SLC39A10: variants seen among roughly 807,000 people sequenced by gnomAD.
SLC39A10 encodes zinc transporter ZIP10.
SLC39A10 carries 13 observed loss-of-function variants against 65.1 expected under a neutral mutation model. That is an observed-to-expected ratio of 0.20 (90% CI 0.13 to 0.32). The LOEUF is 0.32. Among genes scored for constraint, SLC39A10 ranks in the 10% least tolerant of loss-of-function variants. The probability of loss-of-function intolerance (pLI) is 1.00; values close to 1 mark genes in which losing one functional copy is unlikely to be tolerated. For missense variants in SLC39A10, 831 were observed against 1,018.4 expected (o/e 0.82, Z 2.50); for synonymous variants, 321 against 342.2 (o/e 0.94, Z 0.68).
At chr2:195,647,345 A>G (rs949075385) in intron 2 of SLC39A10, among the ~76,000 whole-genome samples, 1 of 151,810 alleles carries the variant, frequency 6.6e-6, no homozygotes, top group Non-Finnish European at 1.5e-5. Context: ...CCCTCAGGGT[A>G]GCATTCAGAC....
rs1248818674 is a variant in SLC39A10 at position 195,737,049 on chromosome 2, T to C, written c.*2008T>C. The C allele has an allele frequency of 6.6e-6, 1 of 152,664 alleles. No individual in the cohort carries two copies. The highest frequency in any genetic ancestry group is 2.4e-5 in the African/African-American group (1 of 41,466). The allele number at this position is 152,664 out of a possible 1,614,324, so 9.5% of individuals were successfully genotyped here. ...AGTTTTAAAATAAATGCCTGATTGA[T>C]TTAAAGCAAGTAGGTTATGCTGAAG... is the stretch of plus-strand genomic sequence containing the variant. On this transcript the variant is annotated 3_prime_UTR_variant, in exon 10 of 10. Coordinates refer to ENST00000359634, the MANE Select transcript of SLC39A10 (RefSeq NM_020342.3).
intron 1 of SLC39A10, among the ~76,000 whole-genome samples, chr2:195,670,788 A>T (rs1689827048): frequency 6.6e-6 from 1 of 152,202 alleles, no homozygotes; most frequent in East Asian, 1.9e-4. Flanking sequence ...TGAATCTTAA[A>T]TTATTTCAAA....
intron 1 of SLC39A10, chr2:195,658,482 T>G (rs1689254854): frequency 6.6e-6 from 1 of 152,242 alleles, no homozygotes; most frequent in South Asian, 2.1e-4. Flanking sequence ...TTAAGTCCTC[T>G]AATTTTACAT....
chr2:195,641,001 C>T (rs1258114631), intron 2 of SLC39A10, among the ~76,000 whole-genome samples: 1 of 152,236 alleles, frequency 6.6e-6, no homozygotes, highest in Non-Finnish European at 1.5e-5. Context: ...TCAGTACCCA[C>T]TTTGCACCAA....
At chr2:195,643,654 A>T (rs1688853368) in intron 2 of SLC39A10, among the ~76,000 whole-genome samples, 2 of 152,164 alleles carry the variant, frequency 1.3e-5, no homozygotes, top group Admixed American at 1.3e-4. Flanking sequence ...TGGATGAGGG[A>T]GATGAGAAAG....
chr2:195,640,445 G>T (rs1294019899), intron 2 of SLC39A10, among the ~76,000 whole-genome samples: 1 of 151,450 alleles, frequency 6.6e-6, no homozygotes, highest in Non-Finnish European at 1.5e-5. Flanking sequence ...AAAGAAAAAA[G>T]AAAATAGTTA....
chr2:195,631,527 T>C (rs1688585610), intron 2 of SLC39A10, among the ~76,000 whole-genome samples: 1 of 152,166 alleles, frequency 6.6e-6, no homozygotes, highest in African/African-American at 2.4e-5. Context: ...AAAATATCCT[T>C]AAAAGCAATC....
At chr2:195,694,406 C>A (rs1287983011) in intron 3 of SLC39A10, among the ~76,000 whole-genome samples, 2 of 152,160 alleles carry the variant, frequency 1.3e-5, no homozygotes, top group African/African-American at 4.8e-5. Flanking sequence ...GTATTAAAGT[C>A]AAAACTCAAG....
chr2:195,629,310 C>G lies in SLC39A10; in HGVS notation c.-12+23077C>G, dbSNP rs1262318934. Among the ~76,000 whole-genome samples the G allele has an allele frequency of 9.9e-5, 15 of 151,120 alleles. No individual in the cohort carries two copies. The East Asian group carries it at 2.3e-3, about 24-fold the overall frequency. On this transcript the variant is annotated intron_variant, in intron 2 of 2. Coordinates refer to the SLC39A10 transcript ENST00000458054. ...TCAGGAGGCTGAGGCAGGAGAATCG[C>G]TTGAACCCGAGAGGTAGAGGTTGCA...
intron 2 of SLC39A10, among the ~76,000 whole-genome samples, chr2:195,648,841 A>G (rs1436611135): frequency 6.6e-6 from 1 of 152,234 alleles, no homozygotes; most frequent in African/African-American, 2.4e-5. Context: ...GGGTTACTGT[A>G]GAATTAAATG....
intron 3 of SLC39A10, among the ~76,000 whole-genome samples, chr2:195,697,635 A>G (rs1389065317): frequency 6.6e-6 from 1 of 152,022 alleles, no homozygotes; most frequent in Non-Finnish European, 1.5e-5. Flanking sequence ...CATAGAGGGG[A>G]CAGCCTACAG....
At chr2:195,700,306 G>C (rs370065165) in intron 3 of SLC39A10, among the ~76,000 whole-genome samples, 34 of 152,142 alleles carry the variant, frequency 2.2e-4, no homozygotes, top group African/African-American at 7.9e-4. Flanking sequence ...CATTCCTACT[G>C]CTAATGTCTT....
chr2:195,636,129 A>G (rs1688692268), intron 2 of SLC39A10, among the ~76,000 whole-genome samples: 1 of 152,212 alleles, frequency 6.6e-6, no homozygotes, highest in Non-Finnish European at 1.5e-5. Flanking sequence ...AGAATATTCA[A>G]ACTTATCTGA....
At chr2:195,722,542 C>G (rs1692084481) in intron 8 of SLC39A10, among the ~76,000 whole-genome samples, 1 of 152,198 alleles carries the variant, frequency 6.6e-6, no homozygotes, top group Admixed American at 6.5e-5. Context: ...CTACTCTGAT[C>G]AGATCATCTA....
chr2:195,650,292 A>AAAAAAAG, intron 2 of SLC39A10, among the ~76,000 whole-genome samples: 1 of 105,696 alleles, frequency 9.5e-6, no homozygotes, highest in Admixed American at 8.7e-5. Flanking sequence ...CAAAAAAAAA[A>AAAAAAAG]AAAAAAGAAA....
chr2:195,716,393 T>C (rs941910988), intron 6 of SLC39A10, among the ~76,000 whole-genome samples: 7 of 152,140 alleles, frequency 4.6e-5, no homozygotes, highest in African/African-American at 1.2e-4. Context: ...CTTTTAAATC[T>C]CCCCCCAAAC....
At position 195,621,467 on chromosome 2, in the gene SLC39A10, TA is replaced by T. The variant is rs572852216; in HGVS notation, c.-12+15235del. On this transcript the variant is annotated intron_variant, in intron 2 of 2. Coordinates refer to the SLC39A10 transcript ENST00000458054. ...TGTTTGATGGAGTTTGTTTTCTTGG[TA>T]CTGAATTCAGCGTAGGGGCAAGGAC... Among the ~76,000 whole-genome samples the T allele has an allele frequency of 8.5e-5, 13 of 152,338 alleles. No homozygotes were observed. In the South Asian group the frequency reaches 2.5e-3, roughly 29 times the overall value.
At chr2:195,715,383 G>A (rs1009988938) in intron 6 of SLC39A10, among the ~76,000 whole-genome samples, 7 of 151,886 alleles carry the variant, frequency 4.6e-5, no homozygotes, top group South Asian at 2.1e-4. Context: ...AAAATTAGCC[G>A]GGTGTGGTGG....
At chr2:195,672,016 T>C (rs1689880346) in intron 1 of SLC39A10, among the ~76,000 whole-genome samples, 1 of 152,164 alleles carries the variant, frequency 6.6e-6, no homozygotes, top group African/African-American at 2.4e-5. Context: ...TCAACTGTTA[T>C]TGAGAGAGAC....
Sources: allele counts gnomAD v4.1 joint callset (sites outside exome capture counted in the v4.1 genomes callset), GRCh38; gene constraint gnomAD v4.1.1; transcripts MANE v1.5; gene names NCBI Gene and HGNC (gene_info 2026-07-23, HGNC 2026-07-21).